The following EHBP1 variants were observed in gnomAD, a reference collection of about 807,000 sequenced individuals.
EHBP1 encodes EH domain binding protein 1.
In EHBP1, 55 loss-of-function variants were observed where a neutral mutation model predicts 144.0. That is an observed-to-expected ratio of 0.38 (90% CI 0.31 to 0.48). The LOEUF (loss-of-function observed/expected upper bound fraction) is 0.48, where lower values mean the gene tolerates loss of function less well. Among genes scored for constraint, EHBP1 ranks in the 20% least tolerant of loss-of-function variants. The probability of loss-of-function intolerance (pLI) is 0.98; values close to 1 mark genes in which losing one functional copy is unlikely to be tolerated. For missense variants in EHBP1, 1,200 were observed against 1,364.2 expected, an observed-to-expected ratio of 0.88 and a Z score of 1.90; for synonymous variants, 469 against 472.7, an observed-to-expected ratio of 0.99 and a Z score of 0.10.
At chr2:62,964,497 T>G (rs982856344) in intron 14 of EHBP1, among the ~76,000 whole-genome samples, 1 of 152,246 alleles carries the variant, frequency 6.6e-6, no homozygotes, top group African/African-American at 2.4e-5. Flanking sequence ...TCTTTTGTTC[T>G]TCTTATCATA....
At chr2:62,977,188 A>G (rs2058755225) in intron 14 of EHBP1, among the ~76,000 whole-genome samples, 1 of 151,286 alleles carries the variant, frequency 6.6e-6, no homozygotes, top group African/African-American at 2.4e-5. Flanking sequence ...AAAAAAAAAG[A>G]CATATGCATA....
intron 7 of EHBP1, among the ~76,000 whole-genome samples, chr2:62,838,622 G>A (rs2047510150): frequency 1.3e-5 from 2 of 150,448 alleles, no homozygotes; most frequent in Admixed American, 1.3e-4. Context: ...AAAGAGAGAA[G>A]AATCAAATAG....
chr2:62,725,187 G>A (rs920677055), intron 2 of EHBP1, among the ~76,000 whole-genome samples: 19 of 152,184 alleles, frequency 1.2e-4, no homozygotes, highest in African/African-American at 4.6e-4. Context: ...GCTCCAAGGT[G>A]CTGGGTGGTG....
intron 15 of EHBP1, among the ~76,000 whole-genome samples, chr2:62,980,640 C>T (rs1208348656): frequency 6.6e-6 from 1 of 152,024 alleles, no homozygotes; most frequent in Non-Finnish European, 1.5e-5. Context: ...CCCCACACAG[C>T]TGTGTATCTG....
At position 62,705,730 on chromosome 2, in the gene EHBP1, G is replaced by A. The variant is rs1292978793; in HGVS notation, c.-618G>A. On this transcript the variant is annotated 5_prime_UTR_variant, in exon 1 of 23. Transcript: ENST00000431489. ...GTAGGGTTAGTGTGAGAGGTGCGGC[G>A]GGGGAGGTAATGATGATGGTGGCGG... The A allele has an allele frequency of 7.2e-5, 11 of 152,478 alleles. No individual in the cohort carries two copies. The Admixed American group carries it at 7.2e-4, about 10-fold the overall frequency. The allele number at this position is 152,478 out of a possible 1,614,324, so 9.4% of individuals were successfully genotyped here. A position where few individuals can be genotyped will look rare whatever the true frequency, so the allele number is the denominator to read the frequency against.
At chr2:62,857,459 A>C (rs1432987943) in intron 7 of EHBP1, among the ~76,000 whole-genome samples, 7 of 152,210 alleles carry the variant, frequency 4.6e-5, no homozygotes, top group Admixed American at 3.9e-4. Context: ...ATTTAGTTCA[A>C]ATAAAATTTA....
intron 5 of EHBP1, among the ~76,000 whole-genome samples, chr2:62,788,419 A>C (rs1477690013): frequency 6.6e-6 from 1 of 151,982 alleles, no homozygotes; most frequent in Non-Finnish European, 1.5e-5. Context: ...TGGGTATTGC[A>C]TATGTCTATT....
chr2:63,017,558 G>A (rs964809777), intron 19 of EHBP1, among the ~76,000 whole-genome samples: 1 of 151,982 alleles, frequency 6.6e-6, no homozygotes, highest in African/African-American at 2.4e-5. Context: ...CAAGTACTTG[G>A]TATTTGCAAC....
At chr2:62,788,247 T>C (rs1214518923) in intron 5 of EHBP1, among the ~76,000 whole-genome samples, 1 of 152,204 alleles carries the variant, frequency 6.6e-6, no homozygotes, top group Non-Finnish European at 1.5e-5. Context: ...TGGTCTTTCC[T>C]ATTCCAATAT....
intron 10 of EHBP1, among the ~76,000 whole-genome samples, chr2:62,900,853 A>G (rs1280442305): frequency 1.3e-5 from 2 of 152,074 alleles, no homozygotes; most frequent in Non-Finnish European, 2.9e-5. Flanking sequence ...ATGCACTGAA[A>G]TATCTTCTTG....
At chr2:62,772,176 G>A (rs2152366151) in intron 5 of EHBP1, 1 of 148,866 alleles carries the variant, frequency 6.7e-6, no homozygotes, top group African/African-American at 2.5e-5. Flanking sequence ...GGAGGAAGGG[G>A]GAAAGGAGGA....
At chr2:62,718,959 A>C (rs1297254928) in intron 2 of EHBP1, among the ~76,000 whole-genome samples, 1 of 150,972 alleles carries the variant, frequency 6.6e-6, no homozygotes, top group Admixed American at 6.6e-5. Flanking sequence ...AGAGATAGCT[A>C]TTCTGAATGT....
intron 19 of EHBP1, among the ~76,000 whole-genome samples, chr2:63,029,629 A>G (rs543577026): frequency 1.3e-5 from 2 of 152,250 alleles, no homozygotes; most frequent in East Asian, 3.9e-4. Flanking sequence ...AGTAAGTAAT[A>G]CCATTATCCA....
intron 2 of EHBP1, among the ~76,000 whole-genome samples, chr2:62,738,558 T>C (rs2152086574): frequency 6.6e-6 from 1 of 152,276 alleles, no homozygotes; most frequent in African/African-American, 2.4e-5. Flanking sequence ...TGCTCCACTT[T>C]GGAAAGGTCT....
chr2:62,924,849 T>A (rs2055366359), intron 10 of EHBP1, among the ~76,000 whole-genome samples: 1 of 152,212 alleles, frequency 6.6e-6, no homozygotes, highest in Non-Finnish European at 1.5e-5. Context: ...CAATTCTTTC[T>A]ATGAGGCCAG....
At chr2:62,923,092 G>A (rs2055213722) in intron 10 of EHBP1, among the ~76,000 whole-genome samples, 1 of 152,142 alleles carries the variant, frequency 6.6e-6, no homozygotes, top group South Asian at 2.1e-4. Flanking sequence ...CACCTCTGAA[G>A]TGTGCCCTTC....
At chr2:62,691,722 G>C (rs1294301106) in intron 1 of EHBP1, among the ~76,000 whole-genome samples, 2 of 152,142 alleles carry the variant, frequency 1.3e-5, no homozygotes, top group African/African-American at 2.4e-5. Context: ...CTGCAGGTTG[G>C]AGGCCAGGAA....
intron 5 of EHBP1, among the ~76,000 whole-genome samples, chr2:62,814,820 A>C (rs2045321450): frequency 6.6e-6 from 1 of 152,230 alleles, no homozygotes; most frequent in Non-Finnish European, 1.5e-5. Context: ...CTTCAGGTCA[A>C]AGTGAGACAG....
chr2:62,706,829 G>T (rs530347527), intron 1 of EHBP1, 68 bp from the exon 2 acceptor site: 1 of 204,762 alleles, frequency 4.9e-6, no homozygotes, highest in Non-Finnish European at 1.0e-5. Context: ...TTTAACATGG[G>T]TGGTTAGTCA....
Sources: gnomAD v4.1 joint callset for allele counts (sites outside exome capture counted in the v4.1 genomes callset) on GRCh38, gnomAD v4.1.1 for gene constraint, MANE v1.5 for transcripts, NCBI Gene and HGNC (gene_info 2026-07-23, HGNC 2026-07-21) for gene names.